Variants in ZHX2 observed in about 807,000 individuals in gnomAD.
The protein encoded by ZHX2 is zinc fingers and homeoboxes 2.
ZHX2 carries 6 observed loss-of-function variants against 21.9 expected under a neutral mutation model. That is an observed-to-expected ratio of 0.27 (90% confidence interval 0.15 to 0.54). The LOEUF is 0.54. Ranked by LOEUF, ZHX2 falls within the 20% of genes least tolerant of loss-of-function variation. The pLI is 0.95. For synonymous variants in ZHX2, 434 were observed against 437.1 expected (o/e 0.99, Z 0.09); for missense variants, 908 against 1,090.7 (o/e 0.83, Z 2.36).
rs1417362628 is a variant in ZHX2, at chr8:122,953,718, G to A, written c.2208G>A (p.Lys736=). The change falls in exon 3 of 4, where the codon AAG becomes AAA. Residue 736 remains lysine, a synonymous_variant. Coordinates refer to ENST00000314393, the MANE Select transcript of ZHX2 (RefSeq NM_014943.5). This position sits in a 1 kb window ranked among gnomAD's most constrained non-coding sequence, Gnocchi z 4.6. ...CACAATATTACAAGGACCCCAAAAA[G>A]CTCTGCGAAGAGGACTTGGAGAAGT... ...VVPQYYKDPK[K]LCEEDLEKLV... 6.2e-7 allele frequency: 1 copy of A among 1,614,224 alleles called. No homozygotes were observed.
intron 2 of ZHX2, among the ~76,000 whole-genome samples, chr8:122,875,195 C>G (rs1401348316): frequency 1.6e-5 from 1 of 62,924 alleles, no homozygotes; most frequent in Non-Finnish European, 3.2e-5. Context: ...ATATATATAT[C>G]CTTTTACTTT....
At position 122,940,487 on chromosome 8, in the gene ZHX2, C is replaced by T. The variant is rs181354559; in HGVS notation, c.-219-10805C>T. On this transcript the variant is annotated intron_variant, in intron 2 of 3. Transcript: ENST00000314393. Reference sequence around the variant, plus strand: ...TCTGGCAGGACACCCAGCCTCCTCTCAGGGCCCCGTGTCACCCAAATGTGT... The same window carrying T: ...TCTGGCAGGACACCCAGCCTCCTCTTAGGGCCCCGTGTCACCCAAATGTGT... Among the ~76,000 whole-genome samples, 826 of 152,312 alleles carry T rather than the reference C, an allele frequency of 5.4e-3. 3 individuals are homozygous for T. The highest frequency in any genetic ancestry group is 0.024 in the Middle Eastern group (7 of 294).
chr8:122,973,982 C>T lies in ZHX2; in HGVS notation c.*745C>T, dbSNP rs1328144993. Reference sequence around the variant, plus strand: ...CTCGGCCTCTTGGGCCAGGCTGTGCCCAGCCAGCCCTGGGAGAACTGGGTA... The same window carrying T: ...CTCGGCCTCTTGGGCCAGGCTGTGCTCAGCCAGCCCTGGGAGAACTGGGTA... On this transcript the variant is annotated 3_prime_UTR_variant, in exon 4 of 4. Coordinates refer to ENST00000314393, the MANE Select transcript of ZHX2 (RefSeq NM_014943.5). 6.6e-6 allele frequency: 1 copy of T among 152,656 alleles called. No homozygotes were observed. The highest frequency in any genetic ancestry group is 1.5e-5 in the Non-Finnish European group (1 of 68,060). The allele number at this position is 152,656 out of a possible 1,614,324, so 9.5% of individuals were successfully genotyped here.
At chr8:122,855,677 C>T (rs928339310) in intron 1 of ZHX2, among the ~76,000 whole-genome samples, 3 of 151,942 alleles carry the variant, frequency 2.0e-5, no homozygotes, top group East Asian at 1.9e-4. Flanking sequence ...AGAAGTTTAG[C>T]GAGAATCATT....
At chr8:122,839,828 T>C (rs1048038215) in intron 1 of ZHX2, among the ~76,000 whole-genome samples, 11 of 152,228 alleles carry the variant, frequency 7.2e-5, no homozygotes, top group Admixed American at 3.9e-4. Flanking sequence ...ATTTTGTTAA[T>C]AGATAATTAA....
At chr8:122,903,863 A>G (rs1375218885) in intron 2 of ZHX2, among the ~76,000 whole-genome samples, 2 of 152,146 alleles carry the variant, frequency 1.3e-5, no homozygotes, top group Non-Finnish European at 2.9e-5. Flanking sequence ...AGGGGAATGA[A>G]TATTGCTAAT....
chr8:122,950,009 G>GT (rs2130263728), intron 2 of ZHX2, among the ~76,000 whole-genome samples: 1 of 152,250 alleles, frequency 6.6e-6, no homozygotes, highest in Admixed American at 6.5e-5. Flanking sequence ...ATTTACTACT[G>GT]TAAATAGGCT....
intron 2 of ZHX2, among the ~76,000 whole-genome samples, chr8:122,896,499 A>G (rs941420667): frequency 6.6e-6 from 1 of 152,232 alleles, no homozygotes; most frequent in Non-Finnish European, 1.5e-5. Flanking sequence ...AACACTGTGA[A>G]GTAATTTTCA....
chr8:122,811,354 C>G (rs896115787), intron 1 of ZHX2, among the ~76,000 whole-genome samples: 12 of 152,154 alleles, frequency 7.9e-5, no homozygotes, highest in African/African-American at 2.9e-4. Context: ...GCACTCCAGC[C>G]TGGGTGACAG....
intron 1 of ZHX2, among the ~76,000 whole-genome samples, chr8:122,831,261 G>A (rs1031087843): frequency 6.7e-6 from 1 of 148,370 alleles, no homozygotes; most frequent in Admixed American, 7.0e-5. Flanking sequence ...ACCTGGCCTC[G>A]GGCTTGGTGG....
intron 3 of ZHX2, among the ~76,000 whole-genome samples, chr8:122,968,884 C>T (rs1261412876): frequency 6.6e-6 from 1 of 151,076 alleles, no homozygotes; most frequent in Non-Finnish European, 1.5e-5. Flanking sequence ...GCAGACCAGA[C>T]ACAGTGGCTC....
chr8:122,960,444 A>G (rs944769133), intron 3 of ZHX2, among the ~76,000 whole-genome samples: 1 of 152,212 alleles, frequency 6.6e-6, no homozygotes, highest in Non-Finnish European at 1.5e-5. Flanking sequence ...GGGCTGAGGC[A>G]GGAGAATCGC....
intron 2 of ZHX2, among the ~76,000 whole-genome samples, chr8:122,911,192 G>A (rs1820472679): frequency 6.6e-6 from 1 of 151,542 alleles, no homozygotes. Flanking sequence ...CCGTAGTCCT[G>A]TTGGGCCACT....
At chr8:122,851,627 G>A (rs1242057569) in intron 1 of ZHX2, among the ~76,000 whole-genome samples, 8 of 152,244 alleles carry the variant, frequency 5.3e-5, no homozygotes, top group African/African-American at 2.4e-5. Context: ...GCACATGTGA[G>A]CCACATCATC....
At chr8:122,869,859 G>A (rs1228243370) in intron 2 of ZHX2, among the ~76,000 whole-genome samples, 6 of 152,196 alleles carry the variant, frequency 3.9e-5, no homozygotes, top group African/African-American at 1.4e-4. Context: ...TCCCTCATAG[G>A]GTAGTTAGGA....
At chr8:122,885,254 C>T (rs1284131514) in intron 2 of ZHX2, among the ~76,000 whole-genome samples, 1 of 152,180 alleles carries the variant, frequency 6.6e-6, no homozygotes, top group Non-Finnish European at 1.5e-5. Context: ...ACAGGCCTGA[C>T]CTCAGCTAGC....
chr8:122,956,211 A>G (rs1355107299), intron 3 of ZHX2, among the ~76,000 whole-genome samples: 5 of 151,452 alleles, frequency 3.3e-5, no homozygotes, highest in Non-Finnish European at 7.4e-5. Flanking sequence ...TTTTCCTCCC[A>G]CCCCAGAGAG....
chr8:122,857,200 T>A (rs1819047399), intron 1 of ZHX2, among the ~76,000 whole-genome samples: 1 of 152,162 alleles, frequency 6.6e-6, no homozygotes, highest in African/African-American at 2.4e-5. Flanking sequence ...AATAATGTCA[T>A]TGAAGTCTTT....
intron 1 of ZHX2, among the ~76,000 whole-genome samples, chr8:122,802,017 C>T (rs1817729775): frequency 6.6e-6 from 1 of 152,164 alleles, no homozygotes; most frequent in Admixed American, 6.5e-5. Flanking sequence ...CCCTCTCTGG[C>T]CTCAGTTTCC....
Sources: gnomAD v4.1 joint callset for allele counts (sites outside exome capture counted in the v4.1 genomes callset) on GRCh38, gnomAD v4.1.1 for gene constraint, Gnocchi (gnomAD v3.1) non-coding constraint, MANE v1.5 for transcripts, NCBI Gene and HGNC (gene_info 2026-07-23, HGNC 2026-07-21) for gene names.